MNAT1: variants seen among roughly 807,000 people sequenced by gnomAD.
The protein encoded by MNAT1 is MNAT1 component of CDK activating kinase.
Under a neutral mutation model 42.0 loss-of-function variants are expected in MNAT1, and 43 were observed. The ratio of observed to expected loss-of-function variants is 1.02; its 90% CI spans 0.80 to 1.32. The LOEUF (loss-of-function observed/expected upper bound fraction) is 1.32, where lower values mean the gene tolerates loss of function less well. Ranked by LOEUF, MNAT1 falls within the 40% of genes most tolerant of loss-of-function variation. MNAT1 has a pLI of 0.00. For synonymous variants in MNAT1, 118 were observed against 120.0 expected, an observed-to-expected ratio of 0.98 and a Z score of 0.11; for missense variants, 306 against 350.4, an observed-to-expected ratio of 0.87 and a Z score of 1.01.
chr14:60,804,290 C>T (rs933745041), intron 3 of MNAT1, among the ~76,000 whole-genome samples: 27 of 152,136 alleles, frequency 1.8e-4, no homozygotes, highest in African/African-American at 2.7e-4. Flanking sequence ...TTTTTCTTCA[C>T]GGCTATTGTA....
chr14:60,891,653 A>G (rs2034846464), intron 7 of MNAT1, among the ~76,000 whole-genome samples: 1 of 152,086 alleles, frequency 6.6e-6, no homozygotes, highest in Non-Finnish European at 1.5e-5. Flanking sequence ...GGGTTTTACC[A>G]CGTTGGCCAG....
intron 2 of MNAT1, among the ~76,000 whole-genome samples, chr14:60,797,573 C>T (rs970014755): frequency 5.9e-5 from 9 of 152,164 alleles, no homozygotes; most frequent in Admixed American, 2.6e-4. Context: ...ACTTCTTCTC[C>T]GTAGTCATAA....
At chr14:60,831,200 A>G (rs2139383461) in intron 6 of MNAT1, among the ~76,000 whole-genome samples, 1 of 151,100 alleles carries the variant, frequency 6.6e-6, no homozygotes, top group Admixed American at 6.6e-5. Flanking sequence ...TATGGGATAC[A>G]TGTGGAGGTA....
chr14:60,764,061 A>G (rs1424738217), intron 1 of MNAT1, among the ~76,000 whole-genome samples: 3 of 152,166 alleles, frequency 2.0e-5, no homozygotes, highest in Non-Finnish European at 1.5e-5. Context: ...CATGGAAAAT[A>G]GTTGATTTTG....
intron 5 of MNAT1, among the ~76,000 whole-genome samples, chr14:60,816,403 A>C (rs549269525): frequency 2.6e-5 from 4 of 152,100 alleles, no homozygotes; most frequent in Non-Finnish European, 5.9e-5. Flanking sequence ...AATTCGCTTC[A>C]GTTTATGTCT....
chr14:60,889,812 A>C (rs2034789996), intron 7 of MNAT1, among the ~76,000 whole-genome samples: 1 of 152,242 alleles, frequency 6.6e-6, no homozygotes, highest in Non-Finnish European at 1.5e-5. Context: ...ACACTTCTCA[A>C]AAGAAGACGT....
At chr14:60,869,134 G>A (rs1330153870) in intron 6 of MNAT1, among the ~76,000 whole-genome samples, 5 of 148,656 alleles carry the variant, frequency 3.4e-5, no homozygotes, top group African/African-American at 1.2e-4. Flanking sequence ...CACCTCCCGG[G>A]TTCAAGCAAT....
At position 60,968,643 on chromosome 14, in the gene MNAT1, A is replaced by T. The variant is rs1205710429; in HGVS notation, c.*294A>T. The T allele has an allele frequency of 1.5e-6, 1 of 676,026 alleles. No homozygotes were observed. The highest frequency in any genetic ancestry group is 2.2e-6 in the Non-Finnish European group (1 of 461,474). 41.9% of individuals were successfully genotyped at this position (676,026 alleles called of 1,614,324 possible). Reference sequence around the variant, plus strand: ...GTGTTTGAGGTTGTGACAGACTTATAAAATCTTTTTAAAAAATAAAGCTAT... The same window carrying T: ...GTGTTTGAGGTTGTGACAGACTTATTAAATCTTTTTAAAAAATAAAGCTAT... On this transcript the variant is annotated 3_prime_UTR_variant, in exon 8 of 8. Transcript: ENST00000261245.
At chr14:60,738,689 C>G (rs1260714076) in intron 1 of MNAT1, among the ~76,000 whole-genome samples, 1 of 152,106 alleles carries the variant, frequency 6.6e-6, no homozygotes, top group Non-Finnish European at 1.5e-5. Flanking sequence ...ACATGCGCCA[C>G]TACCTCTGGC....
chr14:60,811,938 C>T (rs758238263), intron 4 of MNAT1, 49 bp from the exon 5 acceptor site: 2 of 1,474,428 alleles, frequency 1.4e-6, no homozygotes, highest in African/African-American at 1.4e-5. Context: ...TATATGATTG[C>T]TCTTGGCTCC....
At chr14:60,745,168 A>G (rs979793581) in intron 1 of MNAT1, among the ~76,000 whole-genome samples, 4 of 152,208 alleles carry the variant, frequency 2.6e-5, no homozygotes, top group African/African-American at 7.2e-5. Flanking sequence ...TTGTTGCCAT[A>G]TAGAAAGCTG....
intron 6 of MNAT1, among the ~76,000 whole-genome samples, chr14:60,827,487 C>T (rs894422219): frequency 2.0e-5 from 3 of 151,996 alleles, no homozygotes; most frequent in South Asian, 2.1e-4. Flanking sequence ...AAATTAATAC[C>T]CGTTCGTATC....
intron 6 of MNAT1, among the ~76,000 whole-genome samples, chr14:60,844,296 G>A (rs562579421): frequency 5.9e-5 from 9 of 152,106 alleles, no homozygotes; most frequent in African/African-American, 2.2e-4. Flanking sequence ...ATTCTGATTG[G>A]ATCTATAGAT....
At chr14:60,893,721 G>T (rs2139491452) in intron 7 of MNAT1, among the ~76,000 whole-genome samples, 1 of 152,134 alleles carries the variant, frequency 6.6e-6, no homozygotes, top group African/African-American at 2.4e-5. Flanking sequence ...GTGCTGGAAG[G>T]AGTTTTCTAG....
At chr14:60,923,864 C>A (rs1011402094) in intron 7 of MNAT1, among the ~76,000 whole-genome samples, 3 of 152,064 alleles carry the variant, frequency 2.0e-5, no homozygotes, top group Non-Finnish European at 2.9e-5. Flanking sequence ...TCTGTAATCC[C>A]AGCTACTCTG....
intron 1 of MNAT1, among the ~76,000 whole-genome samples, chr14:60,774,801 A>C (rs750810481): frequency 1.3e-5 from 2 of 152,198 alleles, no homozygotes; most frequent in Admixed American, 6.6e-5. Flanking sequence ...ATTAGCAACT[A>C]TGTGGATTGT....
chr14:60,766,113 G>C (rs1424007603), intron 1 of MNAT1, among the ~76,000 whole-genome samples: 2 of 152,062 alleles, frequency 1.3e-5, no homozygotes, highest in Non-Finnish European at 2.9e-5. Flanking sequence ...CACTTTGGAG[G>C]CCTAGGCGGG....
intron 5 of MNAT1, among the ~76,000 whole-genome samples, chr14:60,815,902 A>C (rs1203372091): frequency 6.6e-6 from 1 of 152,174 alleles, no homozygotes; most frequent in Non-Finnish European, 1.5e-5. Context: ...GTCTTTATAC[A>C]ATGTTATAAA....
At chr14:60,909,327 A>G (rs1389043179) in intron 7 of MNAT1, among the ~76,000 whole-genome samples, 1 of 152,132 alleles carries the variant, frequency 6.6e-6, no homozygotes, top group Non-Finnish European at 1.5e-5. Flanking sequence ...CTTTAGTTTA[A>G]TTAGATCCCA....
Sources: gnomAD v4.1 joint callset for allele counts (sites outside exome capture counted in the v4.1 genomes callset) on GRCh38, gnomAD v4.1.1 for gene constraint, MANE v1.5 for transcripts, NCBI Gene and HGNC (gene_info 2026-07-23, HGNC 2026-07-21) for gene names.